OSBPL10: variants seen among roughly 807,000 people sequenced by gnomAD.
OSBPL10 encodes the protein oxysterol binding protein like 10, also known as oxysterol-binding protein-related protein 10.
Under a neutral mutation model 81.7 loss-of-function variants are expected in OSBPL10, and 49 were observed. That is an observed-to-expected ratio of 0.60 (90% CI 0.48 to 0.76). The LOEUF is 0.76. Among genes scored for constraint, OSBPL10 ranks in the 30% least tolerant of loss-of-function variants. The pLI is 0.00. For missense variants in OSBPL10, 923 were observed against 987.8 expected (o/e 0.93, Z 0.88); for synonymous variants, 419 against 383.6 (o/e 1.09, Z -1.08).
At chr3:32,023,454 T>C (rs1015648037) in intron 2 of OSBPL10, among the ~76,000 whole-genome samples, 3 of 152,178 alleles carry the variant, frequency 2.0e-5, no homozygotes, top group Admixed American at 1.3e-4. Flanking sequence ...CCTTTATAAA[T>C]TACCCTGTCT....
chr3:32,076,983 G>C (rs1339589755), intron 1 of OSBPL10, among the ~76,000 whole-genome samples: 4 of 152,118 alleles, frequency 2.6e-5, no homozygotes, highest in Non-Finnish European at 5.9e-5. Context: ...TTTGGAGAGA[G>C]TCAGAATCTT....
intron 2 of OSBPL10, among the ~76,000 whole-genome samples, chr3:32,015,288 G>T (rs1209039225): frequency 6.6e-6 from 1 of 152,034 alleles, no homozygotes; most frequent in Admixed American, 6.6e-5. Flanking sequence ...CAGAAATAAT[G>T]CCACATATCT....
At chr3:31,776,966 TA>T (rs1475637136) in intron 4 of OSBPL10, among the ~76,000 whole-genome samples, 5 of 152,140 alleles carry the variant, frequency 3.3e-5, no homozygotes, top group African/African-American at 4.8e-5. Context: ...AAACAATTTT[TA>T]AAAAATGTTT....
intron 10 of OSBPL10, among the ~76,000 whole-genome samples, chr3:31,665,479 G>A (rs1483286190): frequency 6.6e-6 from 1 of 152,136 alleles, no homozygotes; most frequent in East Asian, 1.9e-4. Context: ...GAAGGCTTGA[G>A]TGCTGGCATG....
In OSBPL10 at chr3:31,876,464, C is replaced by A. The variant is rs1371184613; in HGVS notation, c.506G>T (p.Cys169Phe). The A allele has an allele frequency of 6.2e-7, 1 of 1,613,772 alleles. No homozygotes were observed. The highest frequency in any genetic ancestry group is 8.5e-7 in the Non-Finnish European group (1 of 1,179,636). ...ATTCATTTCCATGTGGTATTTGGCA[C>A]AAGCTCGAAGCTGAGTCACCCAGAA... is the stretch of plus-strand genomic sequence containing the variant. ...KQFWVTQLRA[C>F]AKYHMEMNSK... Residue 169 changes from cysteine to phenylalanine, a missense_variant, in exon 3 of 12, where the codon TGT (cysteine) becomes TTT (phenylalanine). Cys to Phe is a radical substitution (Grantham distance 205, BLOSUM62 -2). Coordinates refer to ENST00000396556, the MANE Select transcript of OSBPL10 (RefSeq NM_017784.5).
intron 4 of OSBPL10, among the ~76,000 whole-genome samples, chr3:31,809,869 CTTTTTTTT>C (rs34795137): frequency 5.1e-5 from 5 of 98,646 alleles, no homozygotes; most frequent in African/African-American, 1.1e-4. Context: ...CCCCCTGACT[CTTTTTTTT>C]TTTTTTTTTT....
chr3:31,978,034 A>C (rs1698733396), intron 1 of OSBPL10, among the ~76,000 whole-genome samples: 1 of 152,192 alleles, frequency 6.6e-6, no homozygotes, highest in African/African-American at 2.4e-5. Context: ...ATGAGGCTAC[A>C]AATAAAGGCA....
At chr3:32,055,587 G>A (rs1575093671) in intron 1 of OSBPL10, among the ~76,000 whole-genome samples, 1 of 152,242 alleles carries the variant, frequency 6.6e-6, no homozygotes, top group East Asian at 1.9e-4. Context: ...CTAGTTGTGA[G>A]TATTCTTATC....
At chr3:32,016,571 T>C (rs1699315032) in intron 2 of OSBPL10, among the ~76,000 whole-genome samples, 3 of 152,190 alleles carry the variant, frequency 2.0e-5, no homozygotes, top group Admixed American at 1.3e-4. Flanking sequence ...GTTGTGCACA[T>C]GTACCCTAAA....
At chr3:31,797,845 T>TA (rs747261187) in intron 4 of OSBPL10, 17 of 454,692 alleles carry the variant, frequency 3.7e-5, no homozygotes, top group South Asian at 2.6e-4. Context: ...CCTTCACCTA[T>TA]AAAAATGGGG....
chr3:32,054,488 T>C (rs1027086250), intron 1 of OSBPL10, among the ~76,000 whole-genome samples: 6 of 149,432 alleles, frequency 4.0e-5, no homozygotes, highest in South Asian at 4.2e-4. Context: ...AATTGTTGTA[T>C]GCCACAGAAG....
intron 4 of OSBPL10, among the ~76,000 whole-genome samples, chr3:31,802,503 T>C (rs1257601924): frequency 1.4e-5 from 2 of 145,284 alleles, no homozygotes; most frequent in African/African-American, 2.6e-5. Context: ...GAGGTGGAGG[T>C]TGCAGTGAGC....
At chr3:31,817,892 C>T (rs1202279055) in intron 4 of OSBPL10, among the ~76,000 whole-genome samples, 1 of 152,180 alleles carries the variant, frequency 6.6e-6, no homozygotes. Flanking sequence ...ACTGCTTGAG[C>T]TTAGGAGATT....
At chr3:31,930,888 C>A (rs1238577221) in intron 1 of OSBPL10, among the ~76,000 whole-genome samples, 1 of 151,554 alleles carries the variant, frequency 6.6e-6, no homozygotes, top group Non-Finnish European at 1.5e-5. Context: ...GTGGCAGGCA[C>A]CTGTAGTCCC....
intron 4 of OSBPL10, among the ~76,000 whole-genome samples, chr3:31,799,978 G>T (rs1054769276): frequency 6.6e-6 from 1 of 152,206 alleles, no homozygotes. Flanking sequence ...AGAGTGCTGG[G>T]ATTACAGGCA....
At chr3:31,788,243 T>C (rs1348872867) in intron 4 of OSBPL10, among the ~76,000 whole-genome samples, 2 of 152,208 alleles carry the variant, frequency 1.3e-5, no homozygotes, top group Non-Finnish European at 2.9e-5. Flanking sequence ...ACAGGAATAC[T>C]GAAAGGAGTT....
intron 8 of OSBPL10, among the ~76,000 whole-genome samples, chr3:31,672,867 G>A (rs563110673): frequency 2.0e-5 from 3 of 152,292 alleles, no homozygotes; most frequent in South Asian, 2.1e-4. Context: ...ATGTGGGCTG[G>A]ACTGGAGGGC....
At chr3:31,675,816 G>A (rs1238438514) in intron 8 of OSBPL10, among the ~76,000 whole-genome samples, 2 of 151,846 alleles carry the variant, frequency 1.3e-5, no homozygotes, top group Admixed American at 6.6e-5. Context: ...CATGGTGGCG[G>A]GCACCTGTAG....
intron 8 of OSBPL10, among the ~76,000 whole-genome samples, chr3:31,675,807 A>G (rs999038938): frequency 3.9e-5 from 6 of 151,946 alleles, no homozygotes; most frequent in African/African-American, 1.2e-4. Flanking sequence ...TTAGCCGGGC[A>G]TGGTGGCGGG....
Sources: allele counts gnomAD v4.1 joint callset (sites outside exome capture counted in the v4.1 genomes callset), GRCh38; gene constraint gnomAD v4.1.1; transcripts MANE v1.5; gene names NCBI Gene and HGNC (gene_info 2026-07-23, HGNC 2026-07-21).